The following TTN variants were observed in gnomAD, a reference collection of about 807,000 sequenced individuals.
The protein encoded by TTN is titin.
Under a neutral mutation model 3,223.0 loss-of-function variants are expected in TTN, and 1,525 were observed. The observed-to-expected ratio is 0.47, with a 90% CI of 0.45 to 0.49. The LOEUF (loss-of-function observed/expected upper bound fraction) is 0.49. Among genes scored for constraint, TTN ranks in the 20% least tolerant of loss-of-function variants. TTN has a pLI of 0.00. For synonymous variants in TTN, 14,094 were observed against 15,161.0 expected (o/e 0.93, Z 5.17); for missense variants, 40,786 against 43,424.0 (o/e 0.94, Z 5.40).
chr2:178,708,375 G>A (rs1338123200), intron 99 of TTN, among the ~76,000 whole-genome samples: 1 of 152,136 alleles, frequency 6.6e-6, no homozygotes, highest in East Asian at 1.9e-4. Flanking sequence ...AGGAGTTGAG[G>A]CTCAGTGTTT....
rs372482290 is a variant in TTN at position 178,602,258 on chromosome 2, C to A, written c.55120+24G>T. ...TCATAATAAGATCAAAAGAGGAATACATAAACTGAGTAAGTACTAGTACCT... is the reference window on the plus strand; with the variant it reads ...TCATAATAAGATCAAAAGAGGAATAAATAAACTGAGTAAGTACTAGTACCT... On this transcript the variant is annotated intron_variant, in intron 283 of 362. Coordinates refer to ENST00000589042, the MANE Select transcript of TTN (RefSeq NM_001267550.2). 1.7e-4 allele frequency: 277 copies of A among 1,607,886 alleles called. 1 individual carries two copies. Among genetic ancestry groups the A allele is most frequent in the Admixed American group, 5.4e-4 (32 of 58,852 alleles).
chr2:178,698,755 T>C (rs1266569042), intron 112 of TTN, 88 bp downstream of exon 112: 155 of 1,274,692 alleles, frequency 1.2e-4, no homozygotes, highest in Non-Finnish European at 1.8e-5. Flanking sequence ...TGCAAACTCT[T>C]ACCCTTCCTT....
intron 120 of TTN, 125 bp downstream of exon 120, chr2:178,692,372 C>A: frequency 1.0e-6 from 1 of 982,558 alleles, no homozygotes; most frequent in Non-Finnish European, 1.5e-6. Context: ...TAAATGAAAT[C>A]AATATACACA....
rs771789277 is a variant in TTN, at chr2:178,527,162, C to T, written c.107826G>A (p.Gln35942=). Reference sequence around the variant, plus strand: ...CTGTGTTTTCAATGTGGAACCTCCCCTGTTCTTGACTGTGGATTTTTCTTC... The same window carrying T: ...CTGTGTTTTCAATGTGGAACCTCCCTTGTTCTTGACTGTGGATTTTTCTTC... ...CGGRKIHSQE[Q]GRFHIENTDD... Residue 35942 remains glutamine, a synonymous_variant, in exon 363 of 363, where the codon CAG becomes CAA. Coordinates refer to ENST00000589042, the MANE Select transcript of TTN (RefSeq NM_001267550.2). 5.0e-6 allele frequency: 8 copies of T among 1,613,976 alleles called. No homozygotes were observed. Among genetic ancestry groups the T allele is most frequent in the South Asian group, 4.4e-5 (4 of 91,078 alleles).
intron 312 of TTN, 132 bp from the exon 313 acceptor site, chr2:178,583,359 T>C: frequency 4.0e-6 from 4 of 993,260 alleles, no homozygotes; most frequent in East Asian, 2.8e-5. Flanking sequence ...TTTGTTTATT[T>C]TTAATAGACA....
chr2:178,726,720 G>A lies in TTN; in HGVS notation c.20275+370C>T, dbSNP rs531518012. On this transcript the variant is annotated intron_variant, in intron 69 of 362. Coordinates refer to ENST00000589042, the MANE Select transcript of TTN (RefSeq NM_001267550.2). The stretch of plus-strand genomic sequence containing the variant: ...CACTTTGCATAGATATAGTAAAAGT[G>A]CTTGTTATTAATGATATAGATTATA... 1.1e-4 allele frequency: 18 copies of A among 165,140 alleles called. No homozygotes were observed. The South Asian group carries it at 1.8e-3, about 17-fold the overall frequency. 10.2% of individuals were successfully genotyped at this position (165,140 alleles called of 1,614,324 possible).
chr2:178,602,685 T>G, intron 282 of TTN, 95 bp from the exon 283 acceptor site: 2 of 849,572 alleles, frequency 2.4e-6, no homozygotes, highest in Non-Finnish European at 3.2e-6. Context: ...TATTTTAATC[T>G]ATTAAAATAT....
Position 178,693,639 on chromosome 2 carries a change from T to C in TTN, c.31564A>G (p.Ile10522Val), listed in dbSNP as rs2042995. 437,680 of 1,596,826 alleles carry C rather than the reference T, an allele frequency of 0.27. 69,862 individuals are homozygous for C. The highest frequency in any genetic ancestry group is 0.56 in the East Asian group (24,925 of 44,492). ...GGTGGTGGTTCAACCCTTTTGGAAA[T>C]GGCAACGTGAATTTTCTCTTCAGTA... ...IVTEEKIHVAISKRVEPPPKV... is the reference protein window; with the variant it reads ...IVTEEKIHVAVSKRVEPPPKV... Residue 10522 changes from isoleucine (I) to valine (V), a missense_variant, in exon 119 of 363, where the codon ATT (isoleucine) becomes GTT (valine). Ile to Val is a conservative substitution (Grantham distance 29, BLOSUM62 3). Coordinates refer to ENST00000589042, the MANE Select transcript of TTN (RefSeq NM_001267550.2).
chr2:178,557,451 C>G lies in TTN; in HGVS notation c.87811G>C (p.Gly29271Arg). The change falls in exon 329 of 363, where the codon GGC becomes CGC. Residue 29271 changes from glycine to arginine, a missense_variant. Transcript: ENST00000589042. ...CTGTCTTTCATTTCCAGGTGATAGC[C>G]TACGACTGCACTGCCTCCATTTGAC... The part of the protein sequence containing the change: ...PVSNGGSAVV[G>R]YHLEMKDRNS... 1 of 1,613,918 alleles carries G rather than the reference C, an allele frequency of 6.2e-7. No individual in the cohort carries two copies. The highest frequency in any genetic ancestry group is 1.1e-5 in the South Asian group (1 of 91,086).
In TTN at chr2:178,779,253, C is replaced by A; in HGVS notation, c.3939G>T (p.Lys1313Asn). The change falls in exon 23 of 363, where the codon AAG becomes AAT. Residue 1313 changes from lysine (K) to asparagine (N), a missense_variant. Physicochemically the swap from Lys to Asn is moderately conservative, Grantham distance 94. Transcript: ENST00000589042. ...LEGMGVTFHC[K>N]MSGYPLPKIA... ...CCTTTGGTAATGGATATCCAGACATCTTGCAATGAAAAGTGACACCCATCC... is the reference window on the plus strand; with the variant it reads ...CCTTTGGTAATGGATATCCAGACATATTGCAATGAAAAGTGACACCCATCC... 1 of 1,613,782 alleles carries A rather than the reference C, an allele frequency of 6.2e-7. No homozygotes were observed. Among genetic ancestry groups the A allele is most frequent in the South Asian group, 1.1e-5 (1 of 91,072 alleles).
rs868588764 is a variant in TTN at position 178,594,585 on chromosome 2, C to T, written c.57909G>A (p.Leu19303=). The change falls in exon 296 of 363, where the codon TTG becomes TTA. Residue 19303 remains leucine, a synonymous_variant. Coordinates refer to ENST00000589042, the MANE Select transcript of TTN (RefSeq NM_001267550.2). ...VKEVTKNTVT[L]TWNPPKYDGG... is the part of the protein sequence containing the mutation. ...CATCATACTTAGGAGGATTCCAAGTCAAAGTTACAGTATTTTTAGTAACTT... is the reference window on the plus strand; with the variant it reads ...CATCATACTTAGGAGGATTCCAAGTTAAAGTTACAGTATTTTTAGTAACTT... The T allele has an allele frequency of 1.2e-6, 2 of 1,612,918 alleles. No homozygotes were observed. The highest frequency in any genetic ancestry group is 1.7e-6 in the Non-Finnish European group (2 of 1,179,328).
chr2:178,653,176 A>C, intron 198 of TTN, 52 bp from the exon 199 acceptor site: 1 of 1,611,602 alleles, frequency 6.2e-7, no homozygotes, highest in South Asian at 1.1e-5. Context: ...GACCACTGGA[A>C]CAAAATGTCT....
rs371894087 is a variant in TTN, at chr2:178,558,456, A to G, written c.87003T>C (p.Val29001=). The G allele has an allele frequency of 1.2e-6, 2 of 1,613,700 alleles. No homozygotes were observed. The highest frequency in any genetic ancestry group is 3.3e-5 in the Admixed American group (2 of 59,980). Residue 29001 remains valine, a synonymous_variant, in exon 327 of 363, where the codon GTT becomes GTC. Transcript: ENST00000589042. ...CAGAATTCTCTCTCAGACCGGAAAC[A>G]ACGTGATGGGTTGACTTTGCCACTG... ...KCAVAKSTHH[V]VSGLRENSEY...
At position 178,719,392 on chromosome 2, in the gene TTN, C is replaced by G; in HGVS notation, c.23998G>C (p.Ala8000Pro). 1 of 1,613,586 alleles carries G rather than the reference C, an allele frequency of 6.2e-7. No individual in the cohort carries two copies. The highest frequency in any genetic ancestry group is 8.5e-7 in the Non-Finnish European group (1 of 1,179,682). Residue 8000 changes from alanine to proline, a missense_variant, in exon 83 of 363, where the codon GCC (alanine) becomes CCC (proline). Coordinates refer to ENST00000589042, the MANE Select transcript of TTN (RefSeq NM_001267550.2). ...KLKDVNAILG[A>P]SVVLECRVSG... ...ACTCGGCACTCCAAAACAACTGAGG[C>G]CCCCAGGATGGCATTCACGTCTTTC...
chr2:178,591,780 C>T lies in TTN; in HGVS notation c.60039G>A (p.Leu20013=). The T allele has an allele frequency of 1.2e-6, 2 of 1,613,190 alleles. No homozygotes were observed. Among genetic ancestry groups the T allele is most frequent in the South Asian group, 2.2e-5 (2 of 91,046 alleles). ...GGGTGCCTTCTTCTTGATATTCTAC[C>T]AAATATCCAGTGATTGGAGAACCAC... ...RDGGSPITGY[L]VEYQEEGTQD... Residue 20013 remains leucine, a synonymous_variant, in exon 303 of 363, where the codon TTG becomes TTA. Coordinates refer to ENST00000589042, the MANE Select transcript of TTN (RefSeq NM_001267550.2).
rs761156054 is a variant in TTN, at chr2:178,542,551, G to C, written c.97205C>G (p.Pro32402Arg). The C allele has an allele frequency of 1.7e-5, 27 of 1,602,232 alleles. No individual in the cohort carries two copies. In the Middle Eastern group the frequency reaches 5.0e-4, roughly 30 times the overall value. ...IKVIILDKPG[P>R]PTGPIKIDEI... ...ATCAATCTTAATAGGTCCTGTTGGT[G>C]GACCAGGCTTGTCTATGAAAGAGAA... is the stretch of plus-strand genomic sequence containing the variant. The change falls in exon 349 of 363, where the codon CCA becomes CGA. Residue 32402 changes from proline (P) to arginine (R), a missense_variant. By Grantham distance (103) the Pro-to-Arg change is moderately radical (BLOSUM62 -2). Coordinates refer to ENST00000589042, the MANE Select transcript of TTN (RefSeq NM_001267550.2).
intron 2 of TTN, among the ~76,000 whole-genome samples, chr2:178,803,515 A>G (rs2094166204): frequency 6.6e-6 from 1 of 151,932 alleles, no homozygotes; most frequent in African/African-American, 2.4e-5. Flanking sequence ...AATAGAAAAT[A>G]AGCAATGATT....
In TTN at chr2:178,544,054, G is replaced by A. The variant is rs1575420522; in HGVS notation, c.96090C>T (p.Ala32030=). The A allele has an allele frequency of 6.2e-7, 1 of 1,613,538 alleles. No individual in the cohort carries two copies. Among genetic ancestry groups the A allele is most frequent in the Non-Finnish European group, 8.5e-7 (1 of 1,179,656 alleles). ...ATACAGACACCATCAAGCGCAAGGAGGCCCCAGCCCTGATGGTCACAGTCT... is the reference window on the plus strand; with the variant it reads ...ATACAGACACCATCAAGCGCAAGGAAGCCCCAGCCCTGATGGTCACAGTCT... ...LKKTVTIRAG[A]SLRLMVSVSG... Residue 32030 remains alanine (A), a synonymous_variant, in exon 346 of 363, where the codon GCC becomes GCT. Transcript: ENST00000589042.
At chr2:178,641,547 G>C (rs1328895826) in intron 219 of TTN, 2 of 290,610 alleles carry the variant, frequency 6.9e-6, no homozygotes, top group African/African-American at 4.4e-5. Flanking sequence ...TCTAGATAGA[G>C]GGTCTATTCT....
Sources: gnomAD v4.1 joint callset for allele counts (sites outside exome capture counted in the v4.1 genomes callset) on GRCh38, gnomAD v4.1.1 for gene constraint, MANE v1.5 for transcripts, NCBI Gene and HGNC (gene_info 2026-07-23, HGNC 2026-07-21) for gene names.